Variants in GSTCD observed in about 807,000 individuals in gnomAD.
GSTCD encodes the protein glutathione S-transferase C-terminal domain containing, also known as glutathione S-transferase C-terminal domain-containing protein.
GSTCD carries 44 observed loss-of-function variants against 68.3 expected under a neutral mutation model. The ratio of observed to expected loss-of-function variants is 0.64; its 90% CI spans 0.51 to 0.83. The LOEUF (loss-of-function observed/expected upper bound fraction) is 0.83. Ranked by LOEUF, GSTCD falls within the 40% of genes least tolerant of loss-of-function variation. The pLI, the probability that GSTCD is intolerant of heterozygous loss-of-function variation, is 0.00. For missense variants in GSTCD, 739 were observed against 735.9 expected, an observed-to-expected ratio of 1.00 and a Z score of -0.05; for synonymous variants, 273 against 255.2, an observed-to-expected ratio of 1.07 and a Z score of -0.67.
In GSTCD at chr4:105,845,715, G is replaced by T; in HGVS notation, c.*138G>T. The stretch of plus-strand genomic sequence containing the variant: ...TGTGCTCAGGAAGGAAAGCAACAGG[G>T]AAATCTTGGAAGTAAAGGCTCCCTG... On this transcript the variant is annotated 3_prime_UTR_variant, in exon 12 of 12. Coordinates refer to ENST00000515279, the MANE Select transcript of GSTCD (RefSeq NM_001370181.1). The T allele has an allele frequency of 1.2e-6, 1 of 823,742 alleles. No individual in the cohort carries two copies. Among genetic ancestry groups the T allele is most frequent in the Non-Finnish European group, 1.9e-6 (1 of 526,424 alleles). 51.0% of individuals were successfully genotyped at this position (823,742 alleles called of 1,614,324 possible). A position where few individuals can be genotyped will look rare whatever the true frequency, so the allele number is the denominator to read the frequency against.
intron 10 of GSTCD, among the ~76,000 whole-genome samples, chr4:105,841,214 C>G (rs958020456): frequency 1.3e-5 from 2 of 151,752 alleles, no homozygotes; most frequent in Non-Finnish European, 2.9e-5. Context: ...GTGCCAGCTA[C>G]TCAGGAGGCT....
intron 1 of GSTCD, among the ~76,000 whole-genome samples, chr4:105,716,370 C>A (rs1222226149): frequency 6.6e-6 from 1 of 152,080 alleles, no homozygotes; most frequent in Non-Finnish European, 1.5e-5. Context: ...GTACTGGAAA[C>A]ACCAAATGCA....
chr4:105,844,041 G>A (rs926242769), intron 11 of GSTCD, among the ~76,000 whole-genome samples: 31 of 152,100 alleles, frequency 2.0e-4, no homozygotes, highest in African/African-American at 6.8e-4. Context: ...CTAAATTTCA[G>A]TTGTAGAGAC....
chr4:105,717,173 G>A (rs2149204056), intron 1 of GSTCD, among the ~76,000 whole-genome samples: 1 of 152,220 alleles, frequency 6.6e-6, no homozygotes, highest in East Asian at 1.9e-4. Flanking sequence ...TTATTTTGTA[G>A]GGTCGTAAAA....
In GSTCD at chr4:105,735,553, A is replaced by G. The variant is rs112848169; in HGVS notation, c.1240+6054A>G. Among the ~76,000 whole-genome samples the G allele has an allele frequency of 5.9e-5, 9 of 152,140 alleles. 2 individuals are homozygous for G. The highest frequency in any genetic ancestry group is 1.7e-4 in the African/African-American group (7 of 41,494). On this transcript the variant is annotated intron_variant, in intron 5 of 11. Coordinates refer to ENST00000515279, the MANE Select transcript of GSTCD (RefSeq NM_001370181.1). ...ACTGTATTAGGGTGGGAGTGACCCA[A>G]TTTTCCGGGTGCTGTGTGTCACCGC... is the stretch of plus-strand genomic sequence containing the variant.
intron 5 of GSTCD, among the ~76,000 whole-genome samples, chr4:105,745,312 T>C (rs896017861): frequency 1.3e-5 from 2 of 152,232 alleles, no homozygotes; most frequent in Non-Finnish European, 2.9e-5. Context: ...TGTGCTATTC[T>C]GTACAAAATG....
intron 3 of GSTCD, among the ~76,000 whole-genome samples, chr4:105,723,631 A>G (rs1055766109): frequency 1.9e-4 from 29 of 151,850 alleles, no homozygotes; most frequent in African/African-American, 6.8e-4. Flanking sequence ...CTTGGAACCA[A>G]TCCTCCATGG....
intron 5 of GSTCD, among the ~76,000 whole-genome samples, chr4:105,741,157 A>G (rs1168232983): frequency 6.6e-6 from 1 of 151,552 alleles, no homozygotes; most frequent in African/African-American, 2.4e-5. Flanking sequence ...TTTTTCTGTG[A>G]TGCTACCTAA....
intron 5 of GSTCD, among the ~76,000 whole-genome samples, chr4:105,778,140 C>A (rs1735142312): frequency 6.6e-6 from 1 of 152,046 alleles, no homozygotes; most frequent in African/African-American, 2.4e-5. Context: ...CAATGACATG[C>A]AATTTCAGGG....
chr4:105,711,608 G>C (rs1732539155), intron 1 of GSTCD, among the ~76,000 whole-genome samples: 1 of 152,208 alleles, frequency 6.6e-6, no homozygotes, highest in Non-Finnish European at 1.5e-5. Context: ...GACTTAATAT[G>C]TGACAAGCTT....
intron 5 of GSTCD, among the ~76,000 whole-genome samples, chr4:105,754,578 A>G (rs991816850): frequency 6.6e-6 from 1 of 152,232 alleles, no homozygotes; most frequent in Non-Finnish European, 1.5e-5. Context: ...GAAATTTTGC[A>G]TATGATTACA....
chr4:105,837,985 A>T lies in GSTCD; in HGVS notation c.1695+96A>T. 4 of 467,236 alleles carry T rather than the reference A, an allele frequency of 8.6e-6. No individual in the cohort carries two copies. The South Asian group carries it at 1.6e-4, about 19-fold the overall frequency. 28.9% of individuals were successfully genotyped at this position (467,236 alleles called of 1,614,324 possible). A position where few individuals can be genotyped will look rare whatever the true frequency, so the allele number is the denominator to read the frequency against. ...CTAGTGGAGTAAATAATCTATAGTT[A>T]TAATTGAATAACTCATGAATGTCTA... On this transcript the variant is annotated intron_variant, in intron 10 of 11. Transcript: ENST00000515279.
At chr4:105,800,532 A>T (rs776574442) in intron 5 of GSTCD, among the ~76,000 whole-genome samples, 1 of 152,196 alleles carries the variant, frequency 6.6e-6, no homozygotes, top group Non-Finnish European at 1.5e-5. Flanking sequence ...AAGTCTGAAC[A>T]TGAAGAAAAA....
Position 105,795,365 on chromosome 4 carries a change from C to A in GSTCD, c.1241-27589C>A, listed in dbSNP as rs545986074. 1.0e-3 allele frequency among the ~76,000 whole-genome samples: 154 copies of A among 151,700 alleles called. 2 individuals carry two copies. The South Asian group carries it at 0.015, about 15-fold the overall frequency. On this transcript the variant is annotated intron_variant, in intron 5 of 11. Transcript: ENST00000515279. Reference sequence around the variant, plus strand: ...ATTTCTTAATAGTAGTGCTTTTGTTCTGATTAATATTTTAGAGTATTTATG... The same window carrying A: ...ATTTCTTAATAGTAGTGCTTTTGTTATGATTAATATTTTAGAGTATTTATG...
At chr4:105,778,444 A>G (rs1735155108) in intron 5 of GSTCD, among the ~76,000 whole-genome samples, 1 of 152,120 alleles carries the variant, frequency 6.6e-6, no homozygotes, top group Non-Finnish European at 1.5e-5. Context: ...CAAAGAAAAC[A>G]TTTATTTTAA....
chr4:105,803,206 G>A (rs763561334), intron 5 of GSTCD, among the ~76,000 whole-genome samples: 1 of 151,986 alleles, frequency 6.6e-6, no homozygotes, highest in Non-Finnish European at 1.5e-5. Context: ...CCTGAGAAAA[G>A]CTCCCATTTG....
chr4:105,775,404 G>A (rs1436554980), intron 5 of GSTCD, among the ~76,000 whole-genome samples: 1 of 152,142 alleles, frequency 6.6e-6, no homozygotes, highest in Non-Finnish European at 1.5e-5. Context: ...GGCGAGTTGT[G>A]ATCCTTTGGG....
chr4:105,763,060 G>T (rs1175731315), intron 5 of GSTCD, among the ~76,000 whole-genome samples: 2 of 152,080 alleles, frequency 1.3e-5, no homozygotes, highest in African/African-American at 2.4e-5. Context: ...AAATGTTTTT[G>T]TACCATATGA....
rs147942684 is a variant in GSTCD at position 105,786,973 on chromosome 4, G to A, written c.1241-35981G>A. 2.4e-3 allele frequency among the ~76,000 whole-genome samples: 361 copies of A among 152,122 alleles called. 6 individuals carry two copies. Among genetic ancestry groups the A allele is most frequent in the African/African-American group, 8.4e-3 (350 of 41,436 alleles). On this transcript the variant is annotated intron_variant, in intron 5 of 11. Coordinates refer to ENST00000515279, the MANE Select transcript of GSTCD (RefSeq NM_001370181.1). The stretch of plus-strand genomic sequence containing the variant: ...TAAACATGATAATATGACTCAGCAA[G>A]TCTACTCTATGTTTACACCCACGAG...
Sources: gnomAD v4.1 joint callset for allele counts (sites outside exome capture counted in the v4.1 genomes callset) on GRCh38, gnomAD v4.1.1 for gene constraint, MANE v1.5 for transcripts, NCBI Gene and HGNC (gene_info 2026-07-23, HGNC 2026-07-21) for gene names.